The following GPSM1 variants were observed in gnomAD, a reference collection of about 807,000 sequenced individuals.
The protein encoded by GPSM1 is G protein signaling modulator 1.
GPSM1 carries 48 observed loss-of-function variants against 70.5 expected under a neutral mutation model. The observed-to-expected ratio is 0.68, with a 90% CI of 0.54 to 0.87. The LOEUF (loss-of-function observed/expected upper bound fraction) is 0.87. Among genes scored for constraint, GPSM1 ranks in the 40% least tolerant of loss-of-function variants. The pLI is 0.00. For missense variants in GPSM1, 981 were observed against 972.6 expected, an observed-to-expected ratio of 1.01 and a Z score of -0.11; for synonymous variants, 416 against 430.1, an observed-to-expected ratio of 0.97 and a Z score of 0.41.
Position 136,338,643 on chromosome 9 carries a change from C to G in GPSM1, c.907C>G (p.Gln303Glu). Reference sequence around the variant, plus strand: ...TCTGGGCAACACCTACACGCTGCTGCAGGACTACGAGCGCGCGGCCGAGTA... The same window carrying G: ...TCTGGGCAACACCTACACGCTGCTGGAGGACTACGAGCGCGCGGCCGAGTA... The part of the protein sequence containing the change: ...YSLGNTYTLL[Q>E]DYERAAEYHL... Residue 303 changes from glutamine to glutamate, a missense_variant, in exon 7 of 14, where the codon CAG becomes GAG. Coordinates refer to ENST00000440944, the MANE Select transcript of GPSM1 (RefSeq NM_001145638.3). 5 of 1,603,670 alleles carry G rather than the reference C, an allele frequency of 3.1e-6. No homozygotes were observed. Among genetic ancestry groups the G allele is most frequent in the Non-Finnish European group, 4.2e-6 (5 of 1,176,506 alleles).
At position 136,358,231 on chromosome 9, in the gene GPSM1, C is replaced by G. The variant is rs1554773652; in HGVS notation, c.*11C>G. On this transcript the variant is annotated 3_prime_UTR_variant, in exon 14 of 14. Coordinates refer to ENST00000440944, the MANE Select transcript of GPSM1 (RefSeq NM_001145638.3). ...CCTGGTGCGAGCTAAGGCCCTGTGC[C>G]CACCGCCAGGCCCACCCTGCCCCCA... The G allele has an allele frequency of 6.5e-7, 1 of 1,536,526 alleles. No individual in the cohort carries two copies. The highest frequency in any genetic ancestry group is 8.7e-7 in the Non-Finnish European group (1 of 1,146,032).
At chr9:136,334,769 C>T (rs560635834) in intron 2 of GPSM1, 101 bp downstream of exon 2, 10 of 942,382 alleles carry the variant, frequency 1.1e-5, no homozygotes, top group East Asian at 1.0e-4. Context: ...GCCCTGCTGG[C>T]GCGGTGAGTG....
At position 136,358,016 on chromosome 9, in the gene GPSM1, C is replaced by T; in HGVS notation, c.1824C>T (p.Ser608=). 1.2e-6 allele frequency: 2 copies of T among 1,612,252 alleles called. No homozygotes were observed. Among genetic ancestry groups the T allele is most frequent in the Non-Finnish European group, 1.7e-6 (2 of 1,179,442 alleles). The change falls in exon 14 of 14, where the codon TCC becomes TCT. Residue 608 remains serine, a splice_region_variant and synonymous_variant. Transcript: ENST00000440944. ...CCAACTGCACTGTGTCCACCCAGTC[C>T]TCCAGGATCGATGACCAGCGCTGCC... The part of the protein sequence containing the change: ...DFFNMLIKYQ[S]SRIDDQRCPP...
At chr9:136,346,383 T>C (rs1832523378) in intron 9 of GPSM1, among the ~76,000 whole-genome samples, 1 of 152,122 alleles carries the variant, frequency 6.6e-6, no homozygotes, top group South Asian at 2.1e-4. Flanking sequence ...CAGCTGCGTT[T>C]AGGAGCTCAC....
Position 136,341,292 on chromosome 9 carries a change from T to C in GPSM1, c.1207+299T>C, listed in dbSNP as rs1832385122. The C allele has an allele frequency of 6.8e-7, 1 of 1,463,304 alleles. No homozygotes were observed. Among genetic ancestry groups the C allele is most frequent in the Non-Finnish European group, 9.0e-7 (1 of 1,108,092 alleles). The allele number at this position is 1,463,304 out of a possible 1,614,324, so 90.6% of individuals were successfully genotyped here. ...CCACCCCCACCTCCCCCTGGAGCCC[T>C]CGGTGCAGGGAGGGCTTCTGTCCTC... On this transcript the variant is annotated intron_variant, in intron 9 of 13. Coordinates refer to ENST00000440944, the MANE Select transcript of GPSM1 (RefSeq NM_001145638.3). This position sits in a 1 kb window ranked among gnomAD's most constrained non-coding sequence, Gnocchi z 6.7.
intron 9 of GPSM1, among the ~76,000 whole-genome samples, chr9:136,347,219 C>T (rs1009078219): frequency 1.5e-4 from 23 of 152,132 alleles, no homozygotes; most frequent in Admixed American, 1.3e-4. Context: ...CGCTGAGCTC[C>T]GAGGCGTAGT....
intron 11 of GPSM1, among the ~76,000 whole-genome samples, chr9:136,351,825 A>T (rs1832670048): frequency 6.6e-6 from 1 of 152,204 alleles, no homozygotes; most frequent in Admixed American, 6.5e-5. Flanking sequence ...CTTTCTGCTG[A>T]CCTGAACCCC....
Position 136,338,831 on chromosome 9 carries a change from G to A in GPSM1, c.974+121G>A, listed in dbSNP as rs1170221766. The A allele has an allele frequency of 3.0e-6, 3 of 1,008,934 alleles. No individual in the cohort carries two copies. The Admixed American group carries it at 7.7e-5, about 26-fold the overall frequency. The allele number at this position is 1,008,934 out of a possible 1,614,324, so 62.5% of individuals were successfully genotyped here. A position where few individuals can be genotyped will look rare whatever the true frequency, so the allele number is the denominator to read the frequency against. ...TGCCACTGACCATGCTGTGACCCAGGAGTGGCAACGCCACTGTGGGGACTG... is the reference window on the plus strand; with the variant it reads ...TGCCACTGACCATGCTGTGACCCAGAAGTGGCAACGCCACTGTGGGGACTG... On this transcript the variant is annotated intron_variant, in intron 7 of 13. Coordinates refer to ENST00000440944, the MANE Select transcript of GPSM1 (RefSeq NM_001145638.3).
At chr9:136,349,177 C>T (rs1481270750) in intron 10 of GPSM1, among the ~76,000 whole-genome samples, 1 of 152,246 alleles carries the variant, frequency 6.6e-6, no homozygotes, top group Non-Finnish European at 1.5e-5. Context: ...GGCTGCCTGG[C>T]GTAGGGCCCT....
At chr9:136,339,937 T>G (rs2131400664) in intron 8 of GPSM1, 122 bp downstream of exon 8, 1 of 666,274 alleles carries the variant, frequency 1.5e-6, no homozygotes, top group East Asian at 2.7e-5. Flanking sequence ...TCAGGGCCAT[T>G]GCAGCTGCCT....
chr9:136,348,809 C>G (rs2131408584), intron 10 of GPSM1, 42 bp downstream of exon 10: 1 of 1,479,886 alleles, frequency 6.8e-7, no homozygotes, highest in Admixed American at 1.7e-5. Flanking sequence ...CAGCCGCTGC[C>G]AGAGCATGGG....
rs1052423690 is a variant in GPSM1, at chr9:136,342,534, G to A, written c.1207+1541G>A. ...TCCTCCTCCCCGCCCAGGGCAGCCC[G>A]GCAGCCTGGCTGGGGCCGCCGCCCG... On this transcript the variant is annotated intron_variant, in intron 9 of 13. Transcript: ENST00000440944. This position sits in a 1 kb window ranked among gnomAD's most constrained non-coding sequence, Gnocchi z 5.5. 6.6e-6 allele frequency among the ~76,000 whole-genome samples: 1 copy of A among 152,134 alleles called. No individual in the cohort carries two copies. Among genetic ancestry groups the A allele is most frequent in the African/African-American group, 2.4e-5 (1 of 41,444 alleles).
At chr9:136,327,788 G>T in intron 1 of GPSM1, 25 bp downstream of exon 1, 2 of 1,036,998 alleles carry the variant, frequency 1.9e-6, no homozygotes, top group African/African-American at 1.7e-5. Flanking sequence ...GGCCGGGGCC[G>T]GGGCCGGGGC....
At chr9:136,348,582 G>A (rs1832581508) in intron 9 of GPSM1, 115 bp from the exon 10 acceptor site, 1 of 684,602 alleles carries the variant, frequency 1.5e-6, no homozygotes, top group Non-Finnish European at 2.5e-6. Context: ...AAGGGGGGCT[G>A]GCTGTCAGAA....
chr9:136,345,270 C>T (rs1554771068), intron 9 of GPSM1, among the ~76,000 whole-genome samples: 1 of 152,180 alleles, frequency 6.6e-6, no homozygotes. Context: ...CGGTCAGCGT[C>T]GGGTGGCCAT....
intron 5 of GPSM1, 130 bp from the exon 6 acceptor site, chr9:136,337,716 C>G: frequency 1.0e-6 from 1 of 979,386 alleles, no homozygotes; most frequent in Non-Finnish European, 1.6e-6. Context: ...CTTGGTCCTG[C>G]AGCTGCTAGC....
intron 11 of GPSM1, among the ~76,000 whole-genome samples, chr9:136,351,348 GGGA>G (rs1172567845): frequency 6.6e-6 from 1 of 152,130 alleles, no homozygotes; most frequent in African/African-American, 2.4e-5. Context: ...TGGGCCTGGA[GGGA>G]GGAGCAGGAC....
chr9:136,337,947 C>T lies in GPSM1; in HGVS notation c.804C>T (p.Ala268=), dbSNP rs150933466. 105 of 1,607,844 alleles carry T rather than the reference C, an allele frequency of 6.5e-5. No individual in the cohort carries two copies. The highest frequency in any genetic ancestry group is 3.9e-4 in the African/African-American group (29 of 74,848). The stretch of plus-strand genomic sequence containing the variant: ...TCTTCCTGGGGCGCTTTGACGTGGC[C>T]GCCGAGTACTACAAGTAGGTGGTCC... The part of the protein sequence containing the change: ...AHVFLGRFDV[A]AEYYKKTLQL... The change falls in exon 6 of 14, where the codon GCC becomes GCT. Residue 268 remains alanine (A), a synonymous_variant. Transcript: ENST00000440944.
chr9:136,345,269 T>C (rs1229100735), intron 9 of GPSM1, among the ~76,000 whole-genome samples: 1 of 152,134 alleles, frequency 6.6e-6, no homozygotes, highest in Non-Finnish European at 1.5e-5. Flanking sequence ...ACGGTCAGCG[T>C]CGGGTGGCCA....
Sources: gnomAD v4.1 joint callset for allele counts (sites outside exome capture counted in the v4.1 genomes callset) on GRCh38, gnomAD v4.1.1 for gene constraint, Gnocchi (gnomAD v3.1) non-coding constraint, MANE v1.5 for transcripts, NCBI Gene and HGNC (gene_info 2026-07-23, HGNC 2026-07-21) for gene names.